The following CLNK variants were observed in gnomAD, a reference collection of about 807,000 sequenced individuals.
CLNK encodes the protein cytokine-dependent hematopoietic cell linker.
Under a neutral mutation model 68.6 loss-of-function variants are expected in CLNK, and 74 were observed. That is an observed-to-expected ratio of 1.08 (90% CI 0.89 to 1.31). The LOEUF is 1.31. CLNK is among the 50% of genes most tolerant of loss of function. The pLI, the probability that CLNK is intolerant of heterozygous loss-of-function variation, is 0.00. For synonymous variants in CLNK, 198 were observed against 172.2 expected (o/e 1.15, Z -1.17); for missense variants, 553 against 515.3 (o/e 1.07, Z -0.71).
intron 7 of CLNK, among the ~76,000 whole-genome samples, chr4:10,563,089 A>G (rs751976975): frequency 1.1e-4 from 17 of 152,294 alleles, no homozygotes; most frequent in East Asian, 3.9e-4. Flanking sequence ...TCTCTATCAG[A>G]TATCTTCTGT....
chr4:10,705,253 G>GT, the CLNK span, among the ~76,000 whole-genome samples: 1 of 152,138 alleles, frequency 6.6e-6, no homozygotes, highest in East Asian at 1.9e-4. Context: ...CAAAATACAC[G>GT]TTTATGCTGT....
intron 2 of CLNK, among the ~76,000 whole-genome samples, chr4:10,642,010 A>G (rs550444439): frequency 3.3e-5 from 5 of 152,296 alleles, no homozygotes; most frequent in African/African-American, 1.2e-4. Context: ...CTGTTAGTCC[A>G]TTAAACCTCT....
chr4:10,727,831 C>A, the CLNK span, among the ~76,000 whole-genome samples: 3 of 152,210 alleles, frequency 2.0e-5, no homozygotes, highest in Non-Finnish European at 4.4e-5. Context: ...CCAGTGACAT[C>A]AAAATCATCT....
At position 10,621,608 on chromosome 4, in the gene CLNK, G is replaced by A. The variant is rs149211830; in HGVS notation, c.12-23559C>T. ...AGCCCTTGAATTAATTCTGTCCTTA[G>A]ATTTGATAAGCCAATGTCAGATTTA... On this transcript the variant is annotated intron_variant, in intron 2 of 18. Transcript: ENST00000226951. Among the ~76,000 whole-genome samples, 128 of 152,278 alleles carry A rather than the reference G, an allele frequency of 8.4e-4. 7 individuals carry two copies. Among genetic ancestry groups the A allele is most frequent in the Admixed American group, 1.4e-3 (22 of 15,294 alleles).
the CLNK span, among the ~76,000 whole-genome samples, chr4:10,699,648 G>T: frequency 6.6e-6 from 1 of 150,486 alleles, no homozygotes. Flanking sequence ...AAGTAGCTGG[G>T]ATTACAGCTG....
chr4:10,553,116 G>C (rs1219561808), intron 8 of CLNK, among the ~76,000 whole-genome samples: 1 of 152,146 alleles, frequency 6.6e-6, no homozygotes, highest in Non-Finnish European at 1.5e-5. Flanking sequence ...GGCTTTCATA[G>C]ATTAAGGAAT....
At chr4:10,671,783 C>A (rs1577210875) in intron 1 of CLNK, among the ~76,000 whole-genome samples, 1 of 152,252 alleles carries the variant, frequency 6.6e-6, no homozygotes, top group Middle Eastern at 3.4e-3. Flanking sequence ...CAAAACCAAA[C>A]AAGTTTTAGT....
chr4:10,541,665 A>G (rs1719035151), intron 10 of CLNK, among the ~76,000 whole-genome samples: 2 of 152,078 alleles, frequency 1.3e-5, no homozygotes, highest in Non-Finnish European at 2.9e-5. Context: ...TCCCATTTTC[A>G]TATGAATCTA....
At chr4:10,533,710 T>G (rs1718639717) in intron 11 of CLNK, among the ~76,000 whole-genome samples, 1 of 152,228 alleles carries the variant, frequency 6.6e-6, no homozygotes, top group South Asian at 2.1e-4. Context: ...GGTTAAAATG[T>G]GGCTAATCTC....
the CLNK span, among the ~76,000 whole-genome samples, chr4:10,702,319 C>T: frequency 6.6e-6 from 1 of 151,726 alleles, no homozygotes. Context: ...ACAAAGTAGA[C>T]TTGAAAAAAA....
At chr4:10,498,596 G>A (rs1234515529) in intron 18 of CLNK, among the ~76,000 whole-genome samples, 3 of 152,096 alleles carry the variant, frequency 2.0e-5, no homozygotes, top group Admixed American at 6.5e-5. Flanking sequence ...ACACTGAACT[G>A]GAAAGTCCAT....
At chr4:10,724,145 T>C in the CLNK span, among the ~76,000 whole-genome samples, 1 of 152,162 alleles carries the variant, frequency 6.6e-6, no homozygotes, top group Non-Finnish European at 1.5e-5. Flanking sequence ...CATTACTATA[T>C]ATTTAATATT....
intron 5 of CLNK, 71 bp from the exon 6 acceptor site, chr4:10,566,221 G>T: frequency 6.7e-7 from 1 of 1,493,756 alleles, no homozygotes; most frequent in Non-Finnish European, 9.1e-7. Context: ...TACAGTGCTG[G>T]CTAGAGAAAT....
chr4:10,540,218 G>T (rs1236981689), intron 11 of CLNK, among the ~76,000 whole-genome samples: 1 of 152,198 alleles, frequency 6.6e-6, no homozygotes, highest in Non-Finnish European at 1.5e-5. Flanking sequence ...TTTGGACACA[G>T]GTTCTCTCAC....
At position 10,597,988 on chromosome 4, in the gene CLNK, G is replaced by T; in HGVS notation, c.73C>A (p.Pro25Thr). The T allele has an allele frequency of 6.3e-7, 1 of 1,579,552 alleles. No homozygotes were observed. Among genetic ancestry groups the T allele is most frequent in the African/African-American group, 1.3e-5 (1 of 74,346 alleles). The change falls in exon 3 of 19, where the codon CCA (proline) becomes ACA (threonine). Residue 25 changes from proline to threonine, a missense_variant. Transcript: ENST00000226951. ...AGTAAATATTCTGACCTGTTTTTTG[G>T]CAGACTGAAGTTCTGGAATTTCAAA... ...NDLKFQNFSL[P>T]KNRSWPRINS...
intron 1 of CLNK, among the ~76,000 whole-genome samples, chr4:10,670,916 T>C (rs1344673530): frequency 6.6e-6 from 1 of 152,238 alleles, no homozygotes; most frequent in African/African-American, 2.4e-5. Flanking sequence ...ATTTTTGCCT[T>C]ATATGTAAAC....
chr4:10,676,389 A>ATGTC lies in CLNK; in HGVS notation c.-43+8278_-43+8279insGACA, dbSNP rs1390285445. The stretch of plus-strand genomic sequence containing the variant: ...GAAGTCAAATGCATTGTTATTATAG[A>ATGTC]TTTCTTTTTTTTTTTTTTTGAGGGG... On this transcript the variant is annotated intron_variant, in intron 1 of 18. Coordinates refer to ENST00000226951, the MANE Select transcript of CLNK (RefSeq NM_052964.4). Among the ~76,000 whole-genome samples, 24 of 74,816 alleles carry ATGTC rather than the reference A, an allele frequency of 3.2e-4. No individual in the cohort carries two copies. In the Admixed American group the frequency reaches 4.2e-3, roughly 13 times the overall value. The allele number at this position is 74,816 out of a possible 152,430, so 49.1% of individuals were successfully genotyped here. A position where few individuals can be genotyped will look rare whatever the true frequency, so the allele number is the denominator to read the frequency against.
chr4:10,715,946 A>G, the CLNK span, among the ~76,000 whole-genome samples: 1 of 152,218 alleles, frequency 6.6e-6, no homozygotes, highest in African/African-American at 2.4e-5. Flanking sequence ...GCTGCTTAGA[A>G]TTAGGATCTG....
intron 13 of CLNK, among the ~76,000 whole-genome samples, chr4:10,527,714 C>T (rs767749423): frequency 1.3e-4 from 20 of 152,092 alleles, no homozygotes; most frequent in Non-Finnish European, 1.2e-4. Context: ...GAAAGAGCCA[C>T]GTGTGTGTGC....
Sources: gnomAD v4.1 joint callset for allele counts (sites outside exome capture counted in the v4.1 genomes callset) on GRCh38, gnomAD v4.1.1 for gene constraint, MANE v1.5 for transcripts, NCBI Gene and HGNC (gene_info 2026-07-23, HGNC 2026-07-21) for gene names.